RAB27A: variants seen among roughly 807,000 people sequenced by gnomAD.
RAB27A encodes ras-related protein Rab-27A.
A neutral mutation model predicts 20.8 loss-of-function variants in RAB27A; 17 were observed. The ratio of observed to expected loss-of-function variants is 0.82; its 90% CI spans 0.56 to 1.23. The LOEUF is 1.23. Among genes scored for constraint, RAB27A ranks in the 50% most tolerant of loss-of-function variants. The pLI is 0.00. For missense variants in RAB27A, 277 were observed against 266.7 expected (o/e 1.04, Z -0.27); for synonymous variants, 85 against 92.8 (o/e 0.92, Z 0.48).
chr15:55,222,069 A>G (rs1434099435), intron 6 of RAB27A, among the ~76,000 whole-genome samples: 4 of 152,202 alleles, frequency 2.6e-5, no homozygotes, highest in Non-Finnish European at 5.9e-5. Context: ...GCATATGCTC[A>G]AATTCCTGTA....
chr15:55,303,822 G>A (rs1190995323), intron 2 of RAB27A, among the ~76,000 whole-genome samples: 8 of 131,926 alleles, frequency 6.1e-5, no homozygotes, highest in Non-Finnish European at 9.6e-5. Flanking sequence ...CAGCCGCCCC[G>A]TCCGGGAGGG....
chr15:55,227,406 A>T (rs1895853200), intron 5 of RAB27A, among the ~76,000 whole-genome samples: 1 of 152,184 alleles, frequency 6.6e-6, no homozygotes, highest in African/African-American at 2.4e-5. Flanking sequence ...AGAGACCATA[A>T]ACAGCCACTG....
Position 55,228,522 on chromosome 15 carries a change from G to A in RAB27A, c.343+87C>T, listed in dbSNP as rs145252914. On this transcript the variant is annotated intron_variant, in intron 5 of 6. Transcript: ENST00000336787. ...TTTGCACTAAGATCTCCTCCAAAAC[G>A]ATTTGTCACAGAAGTAGAGCATAAG... 305 of 1,048,028 alleles carry A rather than the reference G, an allele frequency of 2.9e-4. 2 individuals carry two copies. The East Asian group carries it at 6.4e-3, about 22-fold the overall frequency. 64.9% of individuals were successfully genotyped at this position (1,048,028 alleles called of 1,614,324 possible).
At position 55,228,714 on chromosome 15, in the gene RAB27A, T is replaced by G. The variant is rs757349638; in HGVS notation, c.240-2A>C. The G allele has an allele frequency of 6.2e-7, 1 of 1,606,468 alleles. No individual in the cohort carries two copies. The highest frequency in any genetic ancestry group is 1.1e-5 in the South Asian group (1 of 90,936). ...AACGCTGTCGTTAAGCTACGAAACC[T>G]AGGAACATAAAAGCAGAATGGTCAG... On this transcript the variant is annotated splice_acceptor_variant, in intron 4 of 6. Transcript: ENST00000336787. LOFTEE classifies it high-confidence loss of function.
rs552005596 is a variant in RAB27A at position 55,262,868 on chromosome 15, T to C, written c.-23+7297A>G. On this transcript the variant is annotated intron_variant, in intron 2 of 6. Coordinates refer to ENST00000336787, the MANE Select transcript of RAB27A (RefSeq NM_183235.3). ...CCACGCCCAGCCCAGTCTCGTCATG[T>C]CTTGATTCTAACATTTCACTGTTAA... Among the ~76,000 whole-genome samples the C allele has an allele frequency of 2.0e-5, 3 of 152,252 alleles. No individual in the cohort carries two copies. In the South Asian group the frequency reaches 6.2e-4, roughly 32 times the overall value.
In RAB27A at chr15:55,204,014, A is replaced by G. The variant is rs149948399; in HGVS notation, c.*1493T>C. The stretch of plus-strand genomic sequence containing the variant: ...GTGTAGTCGTAAAGTCTGGGCTTCT[A>G]GTGTAACCATCACGCAAATATACTT... On this transcript the variant is annotated 3_prime_UTR_variant, in exon 7 of 7. Coordinates refer to ENST00000336787, the MANE Select transcript of RAB27A (RefSeq NM_183235.3). 6.6e-6 allele frequency: 1 copy of G among 152,180 alleles called. No homozygotes were observed. Among genetic ancestry groups the G allele is most frequent in the Non-Finnish European group, 1.5e-5 (1 of 68,018 alleles). The allele number at this position is 152,180 out of a possible 1,614,324, so 9.4% of individuals were successfully genotyped here. A position where few individuals can be genotyped will look rare whatever the true frequency, so the allele number is the denominator to read the frequency against.
At chr15:55,224,859 A>G (rs927601084) in intron 5 of RAB27A, among the ~76,000 whole-genome samples, 26 of 152,214 alleles carry the variant, frequency 1.7e-4, no homozygotes, top group African/African-American at 5.8e-4. Context: ...TTAACCAGAA[A>G]AGTGTGGACA....
intron 1 of RAB27A, among the ~76,000 whole-genome samples, chr15:55,318,604 G>A (rs2055085462): frequency 6.6e-6 from 1 of 150,994 alleles, no homozygotes; most frequent in African/African-American, 2.4e-5. Context: ...TGGGAGCTGA[G>A]GCAGGAAAAT....
chr15:55,318,789 C>T (rs1332980125), intron 1 of RAB27A: 1 of 154,612 alleles, frequency 6.5e-6, no homozygotes, highest in African/African-American at 2.4e-5. Context: ...CCTGTTTCCA[C>T]ATCTGTACAA....
At chr15:55,307,291 G>C (rs978971811) in intron 2 of RAB27A, among the ~76,000 whole-genome samples, 2 of 152,122 alleles carry the variant, frequency 1.3e-5, no homozygotes, top group African/African-American at 2.4e-5. Context: ...GAAGGTCATT[G>C]GTTAGGAAGG....
intron 1 of RAB27A, among the ~76,000 whole-genome samples, chr15:55,285,911 C>T (rs945829318): frequency 2.0e-5 from 3 of 152,224 alleles, no homozygotes; most frequent in East Asian, 3.8e-4. Context: ...CAGAGGGCTC[C>T]GGTCTGCCAC....
chr15:55,229,744 G>A (rs971390716), intron 4 of RAB27A, among the ~76,000 whole-genome samples: 39 of 152,174 alleles, frequency 2.6e-4, no homozygotes, highest in African/African-American at 8.9e-4. Flanking sequence ...ATAGTGTCTG[G>A]AATTTGCTTC....
At chr15:55,296,798 T>A (rs559226356) in intron 2 of RAB27A, among the ~76,000 whole-genome samples, 3 of 152,202 alleles carry the variant, frequency 2.0e-5, no homozygotes, top group Admixed American at 1.3e-4. Flanking sequence ...AGCTTTGCAT[T>A]CCCTGCCTTG....
At chr15:55,226,530 T>C (rs1046740471) in intron 5 of RAB27A, among the ~76,000 whole-genome samples, 1 of 150,900 alleles carries the variant, frequency 6.6e-6, no homozygotes, top group East Asian at 1.9e-4. Flanking sequence ...TGTGTGTGTG[T>C]GTGTGAGTGT....
chr15:55,271,299 T>C (rs1420642154), intron 1 of RAB27A, among the ~76,000 whole-genome samples: 1 of 152,228 alleles, frequency 6.6e-6, no homozygotes, highest in Non-Finnish European at 1.5e-5. Context: ...TATAATTCGC[T>C]AAGTTAAGTG....
upstream of RAB27A, chr15:55,290,282 G>A (rs1456504935): frequency 1.3e-5 from 2 of 152,352 alleles, no homozygotes; most frequent in African/African-American, 4.8e-5. Context: ...GAGTCCGCGC[G>A]GCTCCTGAGG....
At chr15:55,226,047 A>G (rs1338468373) in intron 5 of RAB27A, among the ~76,000 whole-genome samples, 1 of 152,218 alleles carries the variant, frequency 6.6e-6, no homozygotes, top group African/African-American at 2.4e-5. Flanking sequence ...TAAAAAATAA[A>G]GAAGTAAAAA....
At chr15:55,262,084 G>T (rs925131322) in intron 2 of RAB27A, among the ~76,000 whole-genome samples, 1 of 150,150 alleles carries the variant, frequency 6.7e-6, no homozygotes, top group African/African-American at 2.4e-5. Flanking sequence ...TGAAGATATT[G>T]TACATCTTTC....
At chr15:55,318,377 G>C (rs1327253993) in intron 1 of RAB27A, among the ~76,000 whole-genome samples, 2 of 150,170 alleles carry the variant, frequency 1.3e-5, no homozygotes, top group African/African-American at 4.9e-5. Flanking sequence ...GAATACAGGC[G>C]TGAGCCACCG....
Sources: gnomAD v4.1 joint callset for allele counts (sites outside exome capture counted in the v4.1 genomes callset) on GRCh38, gnomAD v4.1.1 for gene constraint, MANE v1.5 for transcripts, NCBI Gene and HGNC (gene_info 2026-07-23, HGNC 2026-07-21) for gene names.